The following FAH variants were observed in gnomAD, a reference collection of about 807,000 sequenced individuals.
FAH encodes fumarylacetoacetate hydrolase.
A neutral mutation model predicts 55.8 loss-of-function variants in FAH; 47 were observed. The observed-to-expected ratio is 0.84, with a 90% CI of 0.67 to 1.07. The LOEUF is 1.07. FAH is among the 50% of genes least tolerant of loss of function. FAH has a pLI of 0.00. For synonymous variants in FAH, 199 were observed against 207.7 expected, an observed-to-expected ratio of 0.96 and a Z score of 0.36; for missense variants, 495 against 545.9, an observed-to-expected ratio of 0.91 and a Z score of 0.93.
chr15:80,160,920 CA>C (rs1159616873), intron 4 of FAH, among the ~76,000 whole-genome samples: 46 of 152,340 alleles, frequency 3.0e-4, no homozygotes, highest in African/African-American at 1.1e-3. Context: ...GAGGCTGGCT[CA>C]GCCTGCGGCC....
intron 2 of FAH, among the ~76,000 whole-genome samples, chr15:80,158,692 G>T (rs1490144122): frequency 1.3e-5 from 2 of 152,162 alleles, no homozygotes; most frequent in African/African-American, 2.4e-5. Flanking sequence ...AGGAGGGTGG[G>T]ATTTATGGGT....
chr15:80,181,185 C>A, intron 13 of FAH, 26 bp downstream of exon 13: 2 of 1,503,312 alleles, frequency 1.3e-6, no homozygotes, highest in South Asian at 1.1e-5. Context: ...CCCAGCAGCT[C>A]GTCTTCCTCC....
At chr15:80,178,132 C>G (rs532749964) in intron 11 of FAH, among the ~76,000 whole-genome samples, 2 of 151,922 alleles carry the variant, frequency 1.3e-5, no homozygotes, top group Non-Finnish European at 2.9e-5. Context: ...CCCAGGAGGT[C>G]GAGGCTGCAG....
At chr15:80,159,458 A>G (rs1334977284) in intron 2 of FAH, among the ~76,000 whole-genome samples, 1 of 151,926 alleles carries the variant, frequency 6.6e-6, no homozygotes, top group Non-Finnish European at 1.5e-5. Flanking sequence ...CTGGAAGAAC[A>G]TGGCCACCTT....
intron 13 of FAH, among the ~76,000 whole-genome samples, chr15:80,183,559 C>A (rs2041347360): frequency 6.6e-6 from 1 of 152,208 alleles, no homozygotes; most frequent in Admixed American, 6.5e-5. Flanking sequence ...TTCTTCAGCT[C>A]TTCCCGGCTT....
At chr15:80,168,443 G>T (rs2041214994) in intron 7 of FAH, 127 bp downstream of exon 7, 2 of 889,462 alleles carry the variant, frequency 2.2e-6, no homozygotes, top group Non-Finnish European at 3.7e-6. Context: ...CAGCCGCTCT[G>T]TGTCCCCACC....
chr15:80,177,011 T>C (rs2041289799), intron 10 of FAH, among the ~76,000 whole-genome samples: 1 of 152,210 alleles, frequency 6.6e-6, no homozygotes, highest in Admixed American at 6.5e-5. Context: ...TTATTAGTGC[T>C]GTTCAGAAGT....
At chr15:80,159,009 G>A (rs1216851134) in intron 2 of FAH, among the ~76,000 whole-genome samples, 1 of 151,926 alleles carries the variant, frequency 6.6e-6, no homozygotes, top group Admixed American at 6.6e-5. Context: ...AGGCCGATGT[G>A]GGCAGATCAC....
chr15:80,171,041 G>T (rs1332261596), intron 7 of FAH, among the ~76,000 whole-genome samples: 1 of 150,526 alleles, frequency 6.6e-6, no homozygotes, highest in Non-Finnish European at 1.5e-5. Context: ...CAGTCTTTTG[G>T]TTTTTCATTT....
At chr15:80,168,449 C>A in intron 7 of FAH, 133 bp downstream of exon 7, 2 of 820,214 alleles carry the variant, frequency 2.4e-6, no homozygotes, top group East Asian at 2.5e-5. Flanking sequence ...CTCTGTGTCC[C>A]CACCTGGCCA....
intron 5 of FAH, chr15:80,166,765 T>A (rs959863298): frequency 1.3e-5 from 2 of 151,482 alleles, no homozygotes; most frequent in Admixed American, 1.3e-4. Flanking sequence ...GCCTCCCGAG[T>A]AGCTGGGACC....
intron 4 of FAH, 54 bp from the exon 5 acceptor site, chr15:80,162,192 T>A: frequency 7.2e-7 from 1 of 1,390,496 alleles, no homozygotes; most frequent in South Asian, 1.2e-5. Flanking sequence ...AACAGTCCAT[T>A]CTTCCTGAGG....
In FAH at chr15:80,172,144, G is replaced by A. The variant is rs2142100907; in HGVS notation, c.607-5G>A. On this transcript the variant is annotated splice_region_variant and splice_polypyrimidine_tract_variant and intron_variant, in intron 7 of 13. Transcript: ENST00000561421. ...CAGATTCTAATGAACTCTCCCCCAT[G>A]TAAGGCTTTTTTTGTAGGCCCTGGA... The A allele has an allele frequency of 1.2e-6, 2 of 1,611,282 alleles. No individual in the cohort carries two copies. Among genetic ancestry groups the A allele is most frequent in the Non-Finnish European group, 1.7e-6 (2 of 1,177,468 alleles).
chr15:80,181,454 G>A (rs1166258894), intron 13 of FAH, among the ~76,000 whole-genome samples: 2 of 152,116 alleles, frequency 1.3e-5, no homozygotes, highest in East Asian at 1.9e-4. Context: ...TGCAGCAAAC[G>A]CCCTGTGCAG....
Position 80,172,893 on chromosome 15 carries a change from G to T in FAH, c.707-121G>T. On this transcript the variant is annotated intron_variant, in intron 8 of 13. Transcript: ENST00000561421. Reference sequence around the variant, plus strand: ...TTTGTCCTGGGGCAGCCTGACTGGGGCTGATCTTTGTGGAGATGGCAGTGC... The same window carrying T: ...TTTGTCCTGGGGCAGCCTGACTGGGTCTGATCTTTGTGGAGATGGCAGTGC... 2.3e-6 allele frequency: 3 copies of T among 1,325,844 alleles called. No homozygotes were observed. In the South Asian group the frequency reaches 3.6e-5, roughly 16 times the overall value. 82.1% of individuals were successfully genotyped at this position (1,325,844 alleles called of 1,614,324 possible).
intron 7 of FAH, among the ~76,000 whole-genome samples, chr15:80,169,696 G>A (rs879900961): frequency 6.6e-6 from 1 of 151,910 alleles, no homozygotes; most frequent in Non-Finnish European, 1.5e-5. Flanking sequence ...ACCATGCCTG[G>A]CTAATTTTTT....
intron 5 of FAH, 70 bp downstream of exon 5, chr15:80,162,406 C>G (rs1439432373): frequency 7.6e-7 from 1 of 1,314,338 alleles, no homozygotes; most frequent in South Asian, 1.2e-5. Context: ...ATATTTGTCT[C>G]AGGAGCTGCC....
chr15:80,179,680 G>A (rs2041313306), intron 11 of FAH, among the ~76,000 whole-genome samples: 1 of 152,228 alleles, frequency 6.6e-6, no homozygotes, highest in Non-Finnish European at 1.5e-5. Flanking sequence ...CGGCATGGGA[G>A]AATGGGAGCG....
At chr15:80,183,348 A>G (rs188969603) in intron 13 of FAH, among the ~76,000 whole-genome samples, 17 of 152,386 alleles carry the variant, frequency 1.1e-4, no homozygotes, top group Admixed American at 9.8e-4. Context: ...ACCACTGAAA[A>G]ACTCAAAAGA....
Sources: gnomAD v4.1 joint callset for allele counts (sites outside exome capture counted in the v4.1 genomes callset) on GRCh38, gnomAD v4.1.1 for gene constraint, MANE v1.5 for transcripts, NCBI Gene and HGNC (gene_info 2026-07-23, HGNC 2026-07-21) for gene names.